The following DPYD variants were observed in gnomAD, a reference collection of about 807,000 sequenced individuals.
DPYD encodes the protein dihydropyrimidine dehydrogenase [NADP(+)].
A neutral mutation model predicts 116.2 loss-of-function variants in DPYD; 109 were observed. That is an observed-to-expected ratio of 0.94 (90% CI 0.80 to 1.10). DPYD has a LOEUF of 1.10. Among genes scored for constraint, DPYD ranks in the 50% least tolerant of loss-of-function variants. DPYD has a pLI of 0.00. For synonymous variants in DPYD, 440 were observed against 432.0 expected (o/e 1.02, Z -0.23); for missense variants, 1,302 against 1,254.5 (o/e 1.04, Z -0.57).
intron 20 of DPYD, among the ~76,000 whole-genome samples, chr1:97,147,220 C>T (rs902102343): frequency 2.0e-5 from 3 of 152,096 alleles, no homozygotes; most frequent in African/African-American, 7.2e-5. Context: ...TGGGGGCATG[C>T]TCGTAGTCCC....
intron 13 of DPYD, among the ~76,000 whole-genome samples, chr1:97,482,546 T>C (rs1678380951): frequency 6.6e-6 from 1 of 152,196 alleles, no homozygotes; most frequent in South Asian, 2.1e-4. Context: ...CAGGTACACA[T>C]GGCTAAAGAA....
chr1:97,350,253 AT>A (rs1165879168), intron 16 of DPYD, among the ~76,000 whole-genome samples: 1 of 152,164 alleles, frequency 6.6e-6, no homozygotes, highest in Non-Finnish European at 1.5e-5. Flanking sequence ...GGAGGAACAT[AT>A]TAAATACTCA....
intron 11 of DPYD, among the ~76,000 whole-genome samples, chr1:97,571,825 TTGAG>T (rs564330450): frequency 7.2e-5 from 11 of 151,984 alleles, no homozygotes; most frequent in Non-Finnish European, 1.6e-4. Context: ...TTAAATCCTA[TTGAG>T]TAAGATCTTC....
At chr1:97,292,909 T>C (rs1021282626) in intron 18 of DPYD, among the ~76,000 whole-genome samples, 1 of 152,052 alleles carries the variant, frequency 6.6e-6, no homozygotes, top group Non-Finnish European at 1.5e-5. Flanking sequence ...AACTACTTAA[T>C]AGAGAAATTC....
intron 16 of DPYD, among the ~76,000 whole-genome samples, chr1:97,364,266 T>A (rs1670910170): frequency 6.6e-6 from 1 of 152,156 alleles, no homozygotes; most frequent in African/African-American, 2.4e-5. Flanking sequence ...GGTTAGACAT[T>A]TTACAAATAA....
At chr1:97,259,903 G>T (rs1268177349) in intron 18 of DPYD, among the ~76,000 whole-genome samples, 1 of 151,990 alleles carries the variant, frequency 6.6e-6, no homozygotes, top group African/African-American at 2.4e-5. Context: ...TATACATAAA[G>T]TTACCTTTCA....
chr1:97,806,562 T>C (rs534406852), intron 3 of DPYD, among the ~76,000 whole-genome samples: 26 of 151,794 alleles, frequency 1.7e-4, no homozygotes, highest in Non-Finnish European at 2.7e-4. Context: ...AATGCAGAGT[T>C]CCCATATTTC....
intron 8 of DPYD, among the ~76,000 whole-genome samples, chr1:97,627,906 G>T (rs1428594854): frequency 6.6e-6 from 1 of 151,790 alleles, no homozygotes; most frequent in East Asian, 1.9e-4. Flanking sequence ...ATTATAAAGG[G>T]CCTTTTGAGC....
intron 8 of DPYD, among the ~76,000 whole-genome samples, chr1:97,615,702 G>A (rs560991958): frequency 6.6e-6 from 1 of 152,024 alleles, no homozygotes; most frequent in Non-Finnish European, 1.5e-5. Context: ...CCATCATGCT[G>A]GCAGATAAGT....
At chr1:97,123,936 A>G (rs1260098936) in intron 20 of DPYD, among the ~76,000 whole-genome samples, 2 of 152,120 alleles carry the variant, frequency 1.3e-5, no homozygotes, top group East Asian at 1.9e-4. Flanking sequence ...TCAATGTGCA[A>G]TAATGAATCT....
chr1:97,495,524 T>G (rs1679212731), intron 13 of DPYD, among the ~76,000 whole-genome samples: 1 of 152,120 alleles, frequency 6.6e-6, no homozygotes, highest in Admixed American at 6.5e-5. Flanking sequence ...TTTGTTATAT[T>G]GTTGATTTTA....
chr1:97,099,617 A>G (rs1161966570), intron 20 of DPYD, among the ~76,000 whole-genome samples: 1 of 152,018 alleles, frequency 6.6e-6, no homozygotes. Flanking sequence ...CTTTCATAAG[A>G]CTGCAAAAAT....
chr1:97,304,722 CCTCT>C (rs1172832321), intron 18 of DPYD, among the ~76,000 whole-genome samples: 1 of 151,940 alleles, frequency 6.6e-6, no homozygotes, highest in Non-Finnish European at 1.5e-5. Flanking sequence ...GAGATTAAAA[CCTCT>C]CTTTCTTTTT....
At chr1:97,379,333 A>G (rs1363132567) in intron 15 of DPYD, among the ~76,000 whole-genome samples, 1 of 152,158 alleles carries the variant, frequency 6.6e-6, no homozygotes, top group Non-Finnish European at 1.5e-5. Context: ...GAAAGATGGA[A>G]AGAATTTGGA....
intron 16 of DPYD, among the ~76,000 whole-genome samples, chr1:97,350,206 A>C (rs1252741207): frequency 6.6e-6 from 1 of 152,082 alleles, no homozygotes; most frequent in African/African-American, 2.4e-5. Flanking sequence ...AAAAGAATTA[A>C]ACTTTATTGT....
intron 18 of DPYD, among the ~76,000 whole-genome samples, chr1:97,268,227 G>A (rs771598647): frequency 1.6e-4 from 24 of 152,096 alleles, no homozygotes; most frequent in Non-Finnish European, 3.1e-4. Flanking sequence ...GGCTTTGATG[G>A]GTTCAGTACA....
chr1:97,318,406 A>C (rs1390036525), intron 16 of DPYD, among the ~76,000 whole-genome samples: 1 of 143,208 alleles, frequency 7.0e-6, no homozygotes, highest in Non-Finnish European at 1.6e-5. Flanking sequence ...CAAATGGAAA[A>C]GAAAAAAAGG....
chr1:97,131,518 A>G (rs1165410675), intron 20 of DPYD, among the ~76,000 whole-genome samples: 1 of 152,202 alleles, frequency 6.6e-6, no homozygotes, highest in East Asian at 1.9e-4. Context: ...ATCAAAGAGC[A>G]TGCATTGCTG....
intron 4 of DPYD, among the ~76,000 whole-genome samples, chr1:97,724,623 C>T (rs1168700568): frequency 6.6e-6 from 1 of 151,344 alleles, no homozygotes; most frequent in African/African-American, 2.4e-5. Flanking sequence ...TTGTTTTATT[C>T]AGTCCTTTAA....
Sources: gnomAD v4.1 joint callset for allele counts (sites outside exome capture counted in the v4.1 genomes callset) on GRCh38, gnomAD v4.1.1 for gene constraint, MANE v1.5 for transcripts, NCBI Gene and HGNC (gene_info 2026-07-23, HGNC 2026-07-21) for gene names.